Variants in CTH observed in about 807,000 individuals in gnomAD.
CTH encodes cystathionine gamma-lyase.
A neutral mutation model predicts 50.6 loss-of-function variants in CTH; 41 were observed. The ratio of observed to expected loss-of-function variants is 0.81; its 90% CI spans 0.63 to 1.05. The LOEUF is 1.05. Ranked by LOEUF, CTH falls within the 50% of genes least tolerant of loss-of-function variation. CTH has a pLI of 0.00. For missense variants in CTH, 470 were observed against 492.6 expected, an observed-to-expected ratio of 0.95 and a Z score of 0.43; for synonymous variants, 156 against 168.9, an observed-to-expected ratio of 0.92 and a Z score of 0.59.
At position 70,439,088 on chromosome 1, in the gene CTH, ACT is replaced by A. The variant is rs1684664221; in HGVS notation, c.1192-12_1192-11del. 2.5e-6 allele frequency: 4 copies of A among 1,609,976 alleles called. No homozygotes were observed. Among genetic ancestry groups the A allele is most frequent in the African/African-American group, 1.3e-5 (1 of 74,854 alleles). ...GTTTAATAACATATTTTTCTTGTGC[ACT>A]GTTATTATAGCACCCTCCAAGTGGA... On this transcript the variant is annotated splice_polypyrimidine_tract_variant and intron_variant, in intron 11 of 11. Transcript: ENST00000370938.
intron 5 of CTH, among the ~76,000 whole-genome samples, chr1:70,425,498 G>A (rs1169833008): frequency 1.3e-5 from 2 of 152,116 alleles, no homozygotes; most frequent in South Asian, 4.1e-4. Context: ...CTTTTATCAG[G>A]GCACTGTATT....
intron 1 of CTH, among the ~76,000 whole-genome samples, chr1:70,414,773 G>A (rs1684050684): frequency 6.6e-6 from 1 of 152,070 alleles, no homozygotes; most frequent in South Asian, 2.1e-4. Flanking sequence ...TAGAATGACT[G>A]GATGAATATA....
chr1:70,428,583 C>T, intron 5 of CTH, among the ~76,000 whole-genome samples: 1 of 137,366 alleles, frequency 7.3e-6, no homozygotes, highest in East Asian at 2.2e-4. Flanking sequence ...TTTCTTAATT[C>T]TCCCAGTTTC....
At chr1:70,421,786 C>T in intron 4 of CTH, 111 bp downstream of exon 4, 1 of 1,095,424 alleles carries the variant, frequency 9.1e-7, no homozygotes, top group Non-Finnish European at 1.4e-6. Flanking sequence ...TTATTTTATG[C>T]CATTGGAAAC....
intron 4 of CTH, among the ~76,000 whole-genome samples, chr1:70,424,028 G>A (rs1245842747): frequency 6.6e-6 from 1 of 152,006 alleles, no homozygotes; most frequent in African/African-American, 2.4e-5. Context: ...TTACATGTAC[G>A]TTATCTCACT....
At chr1:70,419,313 A>G (rs1165257650) in intron 3 of CTH, among the ~76,000 whole-genome samples, 2 of 152,130 alleles carry the variant, frequency 1.3e-5, no homozygotes, top group Non-Finnish European at 2.9e-5. Context: ...TAGCAGCATG[A>G]TTTATAATCC....
At chr1:70,433,686 G>T in intron 8 of CTH, 142 bp from the exon 9 acceptor site, 10 of 1,315,572 alleles carry the variant, frequency 7.6e-6, no homozygotes, top group Non-Finnish European at 1.1e-5. Flanking sequence ...AGGGGCCCAA[G>T]CAAGTAGTCA....
chr1:70,430,944 A>T (rs1466098697), intron 7 of CTH: 1 of 152,042 alleles, frequency 6.6e-6, no homozygotes, highest in African/African-American at 2.4e-5. Context: ...TGGGAGGCTG[A>T]GGCAGGTGGA....
At chr1:70,414,130 T>TC (rs1018537982) in intron 1 of CTH, among the ~76,000 whole-genome samples, 15 of 145,818 alleles carry the variant, frequency 1.0e-4, no homozygotes, top group African/African-American at 3.7e-4. Flanking sequence ...AATCCAAACT[T>TC]TTTTTTTTTT....
intron 3 of CTH, among the ~76,000 whole-genome samples, chr1:70,419,708 AT>A (rs1219619338): frequency 6.6e-6 from 1 of 151,078 alleles, no homozygotes; most frequent in Non-Finnish European, 1.5e-5. Flanking sequence ...AATAAAAAAA[AT>A]TTAAGAACTT....
intron 10 of CTH, among the ~76,000 whole-genome samples, chr1:70,436,004 T>C (rs546628847): frequency 6.6e-6 from 1 of 152,258 alleles, no homozygotes; most frequent in South Asian, 2.1e-4. Context: ...TTTTAACACA[T>C]AAAATGAGAT....
At chr1:70,415,269 T>C (rs1684066081) in intron 1 of CTH, among the ~76,000 whole-genome samples, 1 of 152,116 alleles carries the variant, frequency 6.6e-6, no homozygotes, top group African/African-American at 2.4e-5. Flanking sequence ...TTAGGCATGG[T>C]GACATGCACC....
chr1:70,439,463 A>C lies in CTH; in HGVS notation c.*336A>C, dbSNP rs1357205916. 1 of 231,630 alleles carries C rather than the reference A, an allele frequency of 4.3e-6. No individual in the cohort carries two copies. Among genetic ancestry groups the C allele is most frequent in the Non-Finnish European group, 8.4e-6 (1 of 118,500 alleles). The allele number at this position is 231,630 out of a possible 1,614,324, so 14.3% of individuals were successfully genotyped here. A position where few individuals can be genotyped will look rare whatever the true frequency, so the allele number is the denominator to read the frequency against. On this transcript the variant is annotated 3_prime_UTR_variant, in exon 12 of 12. Coordinates refer to ENST00000370938, the MANE Select transcript of CTH (RefSeq NM_001902.6). ...CATGTTTATAATATAATGGTAATTC[A>C]TTTTTGATGTTTTGTGAAGAATTTA...
intron 5 of CTH, among the ~76,000 whole-genome samples, chr1:70,428,374 G>A (rs1464676849): frequency 1.3e-5 from 2 of 152,068 alleles, no homozygotes; most frequent in African/African-American, 2.4e-5. Flanking sequence ...TATCAAAATA[G>A]GAGAGAGGAT....
chr1:70,436,716 A>G (rs147740503), intron 10 of CTH, among the ~76,000 whole-genome samples: 1 of 152,318 alleles, frequency 6.6e-6, no homozygotes, highest in East Asian at 1.9e-4. Context: ...TAATTCATGT[A>G]ACGCAGATTT....
intron 1 of CTH, among the ~76,000 whole-genome samples, chr1:70,415,039 A>G (rs1379293335): frequency 6.6e-6 from 1 of 152,176 alleles, no homozygotes; most frequent in Non-Finnish European, 1.5e-5. Flanking sequence ...CCACTTTTGT[A>G]GAGCCAAGAT....
chr1:70,438,591 C>T, intron 10 of CTH, 97 bp from the exon 11 acceptor site: 1 of 1,385,054 alleles, frequency 7.2e-7, no homozygotes. Context: ...GATATTTGGA[C>T]CAGAAAAATG....
chr1:70,433,993 T>C, intron 9 of CTH, 44 bp downstream of exon 9: 1 of 1,610,622 alleles, frequency 6.2e-7, no homozygotes, highest in Non-Finnish European at 8.5e-7. Flanking sequence ...GGTAAGGCCT[T>C]ACAGCAGTTC....
At chr1:70,426,515 G>A (rs1684349532) in intron 5 of CTH, among the ~76,000 whole-genome samples, 2 of 152,130 alleles carry the variant, frequency 1.3e-5, no homozygotes, top group South Asian at 4.1e-4. Flanking sequence ...TGACTCCCTG[G>A]GCAGTTGGTA....
Sources: gnomAD v4.1 joint callset for allele counts (sites outside exome capture counted in the v4.1 genomes callset) on GRCh38, gnomAD v4.1.1 for gene constraint, MANE v1.5 for transcripts, NCBI Gene and HGNC (gene_info 2026-07-23, HGNC 2026-07-21) for gene names.